The following AMZ1 variants were observed in gnomAD, a reference collection of about 807,000 sequenced individuals.
AMZ1 encodes the protein archaemetzincin-1.
Under a neutral mutation model 29.9 loss-of-function variants are expected in AMZ1, and 39 were observed. The observed-to-expected ratio is 1.30, with a 90% CI of 1.01 to 1.70. AMZ1 has a LOEUF of 1.70. Ranked by LOEUF, AMZ1 falls within the 40% of genes most tolerant of loss-of-function variation. The pLI is 0.00. For synonymous variants in AMZ1, 458 were observed against 304.0 expected (o/e 1.51, Z -5.27); for missense variants, 1,041 against 680.6 (o/e 1.53, Z -5.89).
chr7:2,695,232 C>T (rs532991964), intron 1 of AMZ1, among the ~76,000 whole-genome samples: 45 of 152,258 alleles, frequency 3.0e-4, no homozygotes, highest in Admixed American at 7.8e-4. Context: ...GGTCCAGAGG[C>T]GGGAATTCCA....
At chr7:2,683,595 G>C (rs1166013573), upstream of AMZ1, among the ~76,000 whole-genome samples, 1 of 152,010 alleles carries the variant, frequency 6.6e-6, no homozygotes, top group Non-Finnish European at 1.5e-5. Flanking sequence ...CTGCCACCAC[G>C]CCTGGCTAAT....
At position 2,718,516 on chromosome 7, in the gene AMZ1, T is replaced by A. The variant is rs1287350284; in HGVS notation, c.*5638T>A. Among the ~76,000 whole-genome samples, 2 of 152,214 alleles carry A rather than the reference T, an allele frequency of 1.3e-5. No homozygotes were observed. Among genetic ancestry groups the A allele is most frequent in the Non-Finnish European group, 2.9e-5 (2 of 68,028 alleles). On this transcript the variant is annotated 3_prime_UTR_variant, in exon 7 of 7. Coordinates refer to ENST00000683327, the MANE Select transcript of AMZ1 (RefSeq NM_001384743.1). ...TTCAGCCCTGACTCTTGGACGCTGG[T>A]GGCAGCCGCGGGCGCCCACTCACCT...
chr7:2,737,264 GTT>G (rs201866976), intron 4 of AMZ1, among the ~76,000 whole-genome samples: 1 of 52,452 alleles, frequency 1.9e-5, no homozygotes, highest in Non-Finnish European at 4.0e-5. Context: ...CTATCTCACA[GTT>G]TTGTTTTGTT....
At chr7:2,728,486 G>C (rs191104967) in intron 4 of AMZ1, 1 of 152,386 alleles carries the variant, frequency 6.6e-6, no homozygotes, top group Admixed American at 6.5e-5. Context: ...ACGAACATAA[G>C]AGTTAAAAAT....
chr7:2,688,517 C>G (rs1015904509), intron 1 of AMZ1, among the ~76,000 whole-genome samples: 1 of 152,162 alleles, frequency 6.6e-6, no homozygotes, highest in African/African-American at 2.4e-5. Flanking sequence ...CGCACAGCCC[C>G]GGCAGGTCCT....
chr7:2,763,622 G>A (rs1468555770), upstream of AMZ1, among the ~76,000 whole-genome samples: 1 of 152,226 alleles, frequency 6.6e-6, no homozygotes, highest in Non-Finnish European at 1.5e-5. Context: ...TGCAGAAAGA[G>A]CTGCAGTGAA....
At chr7:2,703,474 C>T (rs2115120432) in intron 3 of AMZ1, among the ~76,000 whole-genome samples, 1 of 151,348 alleles carries the variant, frequency 6.6e-6, no homozygotes, top group African/African-American at 2.4e-5. Flanking sequence ...CTCAGCATGG[C>T]TCCAACCTTC....
chr7:2,733,493 C>T lies in AMZ1; in HGVS notation n.550+23677C>T, dbSNP rs35958373. On this transcript the variant is annotated intron_variant and non_coding_transcript_variant, in intron 4 of 4. Transcript: ENST00000489665. ...CCAAGTTGTCCAGGAAGTACTTCACCGACTCCCCCTGTCAGGAAGGAAGAA... is the reference window on the plus strand; with the variant it reads ...CCAAGTTGTCCAGGAAGTACTTCACTGACTCCCCCTGTCAGGAAGGAAGAA... The T allele has an allele frequency of 9.3e-6, 15 of 1,613,352 alleles. No homozygotes were observed. The East Asian group carries it at 1.3e-4, about 14-fold the overall frequency.
chr7:2,756,193 TGAG>T (rs1430893889), intron 4 of AMZ1, among the ~76,000 whole-genome samples: 2 of 151,818 alleles, frequency 1.3e-5, no homozygotes, highest in Non-Finnish European at 2.9e-5. Flanking sequence ...GCAACTCAAA[TGAG>T]GAAAGGAAAA....
rs1317924860 is a variant in AMZ1, at chr7:2,718,944, C to T, written c.*6066C>T. ...CACAGGCAGGGGTACAGGAGAGCTC[C>T]GGCCATTTATTCCAAATGTATGAGC... On this transcript the variant is annotated 3_prime_UTR_variant, in exon 7 of 7. Coordinates refer to ENST00000683327, the MANE Select transcript of AMZ1 (RefSeq NM_001384743.1). 4.6e-5 allele frequency among the ~76,000 whole-genome samples: 7 copies of T among 151,844 alleles called. No individual in the cohort carries two copies. Among genetic ancestry groups the T allele is most frequent in the South Asian group, 4.2e-4 (2 of 4,812 alleles).
Position 2,713,355 on chromosome 7 carries a change from C to G in AMZ1, c.*477C>G, listed in dbSNP as rs1236255421. On this transcript the variant is annotated 3_prime_UTR_variant, in exon 7 of 7. Coordinates refer to ENST00000683327, the MANE Select transcript of AMZ1 (RefSeq NM_001384743.1). ...GGCCTGCACACATGGAGAGGCCTCC[C>G]TGATCCTGGGTGCTTCTCGTGGAGT... The G allele has an allele frequency of 6.5e-6, 1 of 152,872 alleles. No individual in the cohort carries two copies. The highest frequency in any genetic ancestry group is 1.9e-4 in the East Asian group (1 of 5,332). The allele number at this position is 152,872 out of a possible 1,614,324, so 9.5% of individuals were successfully genotyped here. A position where few individuals can be genotyped will look rare whatever the true frequency, so the allele number is the denominator to read the frequency against.
At chr7:2,753,845 C>A (rs189970666) in intron 4 of AMZ1, among the ~76,000 whole-genome samples, 1 of 152,098 alleles carries the variant, frequency 6.6e-6, no homozygotes, top group African/African-American at 2.4e-5. Context: ...TTCTGGGCAA[C>A]CTCCTCTTCT....
In AMZ1 at chr7:2,731,688, C is replaced by T. The variant is rs1033732554; in HGVS notation, n.550+21872C>T. On this transcript the variant is annotated intron_variant and non_coding_transcript_variant, in intron 4 of 4. Transcript: ENST00000489665. The surrounding 1 kb of genome is among the most constrained non-coding windows in gnomAD (Gnocchi z 6.0). ...GGATCTTCTTAATAACGAAGTCATG[C>T]TCCACAATTCCCTTGGTGGCTTTCC... is the stretch of plus-strand genomic sequence containing the variant. 5 of 1,598,704 alleles carry T rather than the reference C, an allele frequency of 3.1e-6. No homozygotes were observed. In the African/African-American group the frequency reaches 6.7e-5, roughly 21 times the overall value.
At chr7:2,699,628 T>TG (rs1278661110) in intron 1 of AMZ1, among the ~76,000 whole-genome samples, 2 of 152,106 alleles carry the variant, frequency 1.3e-5, no homozygotes, top group African/African-American at 2.4e-5. Context: ...TCTTGGGTGT[T>TG]GGGGGGTCCC....
rs142610073 is a variant in AMZ1 at position 2,715,053 on chromosome 7, G to A, written c.*2175G>A. ...ATAAAGAGGGGAGACGAAAAAAAGAGGGTCACTTTCAGAAAGGGACCTGGG... is the reference window on the plus strand; with the variant it reads ...ATAAAGAGGGGAGACGAAAAAAAGAAGGTCACTTTCAGAAAGGGACCTGGG... On this transcript the variant is annotated 3_prime_UTR_variant, in exon 7 of 7. Coordinates refer to ENST00000683327, the MANE Select transcript of AMZ1 (RefSeq NM_001384743.1). 2 of 152,308 alleles carry A rather than the reference G, an allele frequency of 1.3e-5. No individual in the cohort carries two copies. Among genetic ancestry groups the A allele is most frequent in the African/African-American group, 2.4e-5 (1 of 41,456 alleles). The allele number at this position is 152,308 out of a possible 1,614,324, so 9.4% of individuals were successfully genotyped here. A position where few individuals can be genotyped will look rare whatever the true frequency, so the allele number is the denominator to read the frequency against.
Position 2,709,822 on chromosome 7 carries a change from T to C in AMZ1, c.948+6T>C. On this transcript the variant is annotated splice_donor_region_variant and intron_variant, in intron 6 of 6. Coordinates refer to ENST00000683327, the MANE Select transcript of AMZ1 (RefSeq NM_001384743.1). ...GGCTCATCGAGAGGTACCAGGTGAGTGGCTGAGTTGCGCTGCCCGGCTGCT... is the reference window on the plus strand; with the variant it reads ...GGCTCATCGAGAGGTACCAGGTGAGCGGCTGAGTTGCGCTGCCCGGCTGCT... 6.2e-7 allele frequency: 1 copy of C among 1,611,168 alleles called. No homozygotes were observed. The highest frequency in any genetic ancestry group is 8.5e-7 in the Non-Finnish European group (1 of 1,179,516).
intron 4 of AMZ1, among the ~76,000 whole-genome samples, chr7:2,758,641 C>T (rs762399369): frequency 1.7e-4 from 26 of 152,066 alleles, no homozygotes; most frequent in Non-Finnish European, 2.6e-4. Context: ...GAAAGGGTCT[C>T]GGGGGCCCCC....
chr7:2,708,792 C>T (rs2115160398), intron 4 of AMZ1, 76 bp downstream of exon 4: 2 of 1,599,364 alleles, frequency 1.3e-6, no homozygotes, highest in Middle Eastern at 2.2e-4. Flanking sequence ...TGCAGGGCAC[C>T]CTCTTTGCTT....
intron 1 of AMZ1, among the ~76,000 whole-genome samples, chr7:2,694,776 G>C (rs959453843): frequency 6.6e-6 from 1 of 151,814 alleles, no homozygotes; most frequent in Non-Finnish European, 1.5e-5. Context: ...GGATTCAAGC[G>C]ATTCTCCTGC....
Sources: allele counts gnomAD v4.1 joint callset (sites outside exome capture counted in the v4.1 genomes callset), GRCh38; gene constraint gnomAD v4.1.1; non-coding constraint Gnocchi (gnomAD v3.1); transcripts MANE v1.5; gene names NCBI Gene and HGNC (gene_info 2026-07-23, HGNC 2026-07-21).